The following MAX variants were observed in gnomAD, a reference collection of about 807,000 sequenced individuals.
The protein encoded by MAX is MYC associated transcriptional regulator X, also known as protein max.
In MAX, 3 loss-of-function variants were observed where a neutral mutation model predicts 22.3. The observed-to-expected ratio is 0.13, with a 90% CI of 0.06 to 0.35. MAX has a LOEUF of 0.35. Ranked by LOEUF, MAX falls within the 10% of genes least tolerant of loss-of-function variation. The probability of loss-of-function intolerance (pLI) is 1.00; values close to 1 mark genes in which losing one functional copy is unlikely to be tolerated. For synonymous variants in MAX, 72 were observed against 77.7 expected (o/e 0.93, Z 0.39); for missense variants, 119 against 209.4 (o/e 0.57, Z 2.66).
intron 3 of MAX, chr14:65,090,375 G>A (rs2063469319): frequency 6.6e-6 from 1 of 152,140 alleles, no homozygotes; most frequent in African/African-American, 2.4e-5. Context: ...TAACAACACT[G>A]ACAGGAGCAA....
In MAX at chr14:65,031,979, CGTGTGTGTGT is replaced by C. The variant is rs563468928; in HGVS notation, c.172-25705_172-25696del. On this transcript the variant is annotated intron_variant, in intron 3 of 3. Transcript: ENST00000341653. The surrounding 1 kb of genome is among the most constrained non-coding windows in gnomAD (Gnocchi z 4.6). ...ATAGACGTGCGCCTTTTTCATTTAA[CGTGTGTGTGT>C]GTGTGTGTGTGTGTGTGTGTGTGTG... 2.4e-4 allele frequency among the ~76,000 whole-genome samples: 34 copies of C among 141,194 alleles called. No homozygotes were observed. The highest frequency in any genetic ancestry group is 5.6e-4 in the Admixed American group (8 of 14,162). The allele number at this position is 141,194 out of a possible 152,430, so 92.6% of individuals were successfully genotyped here. A position where few individuals can be genotyped will look rare whatever the true frequency, so the allele number is the denominator to read the frequency against.
intron 3 of MAX, among the ~76,000 whole-genome samples, chr14:65,008,506 A>G (rs182078809): frequency 6.6e-6 from 1 of 152,360 alleles, no homozygotes; most frequent in African/African-American, 2.4e-5. Flanking sequence ...ATATACAGTT[A>G]CCGATGGGAT....
intron 3 of MAX, among the ~76,000 whole-genome samples, chr14:65,019,285 G>A (rs545457217): frequency 2.6e-5 from 4 of 152,266 alleles, no homozygotes; most frequent in Admixed American, 1.3e-4. Flanking sequence ...TCAGGAGTTC[G>A]AGACCAGTCT....
intron 3 of MAX, chr14:65,061,039 C>T (rs754991851): frequency 8.7e-5 from 119 of 1,365,898 alleles, no homozygotes; most frequent in Non-Finnish European, 1.1e-4. Flanking sequence ...AGCAAATACA[C>T]CATTTTTGAA....
chr14:65,017,215 A>T (rs904800323), intron 3 of MAX, among the ~76,000 whole-genome samples: 4 of 152,040 alleles, frequency 2.6e-5, no homozygotes, highest in Non-Finnish European at 5.9e-5. Context: ...GAGCCACCAC[A>T]TCCAGCCTCG....
chr14:65,019,933 C>T (rs1399253814), intron 3 of MAX, among the ~76,000 whole-genome samples: 1 of 152,132 alleles, frequency 6.6e-6, no homozygotes, highest in Non-Finnish European at 1.5e-5. Context: ...TTATCTTGCA[C>T]AGGGAAATGA....
At chr14:65,046,655 C>T (rs2062487584) in intron 3 of MAX, among the ~76,000 whole-genome samples, 1 of 152,026 alleles carries the variant, frequency 6.6e-6, no homozygotes, top group African/African-American at 2.4e-5. Flanking sequence ...AGACAGGAGT[C>T]TGTAAAGAAG....
At chr14:65,016,074 G>T (rs1276566407) in intron 3 of MAX, among the ~76,000 whole-genome samples, 1 of 152,164 alleles carries the variant, frequency 6.6e-6, no homozygotes, top group Non-Finnish European at 1.5e-5. Context: ...GGGGAAGCAC[G>T]TGCCAGTCCA....
chr14:65,052,517 G>A (rs77432031), intron 3 of MAX, among the ~76,000 whole-genome samples: 2,337 of 152,236 alleles, frequency 0.015, 34 homozygotes, highest in African/African-American at 0.035. Flanking sequence ...ACACCTGTCC[G>A]TGATTTGTCC....
chr14:65,068,414 G>A (rs775063918), intron 3 of MAX, among the ~76,000 whole-genome samples: 3 of 152,156 alleles, frequency 2.0e-5, no homozygotes, highest in Non-Finnish European at 4.4e-5. Context: ...CAACCTGGGC[G>A]ACAGCGTGAG....
At chr14:65,049,109 A>AGG (rs1002434982) in intron 3 of MAX, among the ~76,000 whole-genome samples, 1 of 147,130 alleles carries the variant, frequency 6.8e-6, no homozygotes, top group African/African-American at 2.6e-5. Flanking sequence ...CCTGGGTAAC[A>AGG]GGGCAGGACT....
chr14:65,040,997 G>C, intron 3 of MAX: 1 of 1,566,340 alleles, frequency 6.4e-7, no homozygotes, highest in South Asian at 1.2e-5. Context: ...GCAGGCTTCA[G>C]GAGAGTTTGG....
At chr14:65,081,417 T>A (rs542910196) in intron 3 of MAX, among the ~76,000 whole-genome samples, 99 of 152,300 alleles carry the variant, frequency 6.5e-4, no homozygotes, top group African/African-American at 2.3e-3. Context: ...TTCCACTCCA[T>A]ACAAGATCAT....
At chr14:65,042,205 G>A (rs544078259) in intron 3 of MAX, among the ~76,000 whole-genome samples, 1 of 152,116 alleles carries the variant, frequency 6.6e-6, no homozygotes, top group South Asian at 2.1e-4. Flanking sequence ...GGGACGGGGG[G>A]TGATGGCTTC....
In MAX at chr14:65,102,134, G is replaced by A. The variant is rs540928247; in HGVS notation, c.36+170C>T. On this transcript the variant is annotated intron_variant, in intron 1 of 4. Transcript: ENST00000358664. ...CAGTCCCAGGAGGCCGCTCCGGCCA[G>A]GAGCCGGAGGGGAGCGAACCGGGAA... Among the ~76,000 whole-genome samples the A allele has an allele frequency of 5.3e-5, 8 of 152,296 alleles. No homozygotes were observed. The South Asian group carries it at 1.7e-3, about 32-fold the overall frequency.
At chr14:65,061,381 A>G (rs2062863069) in intron 3 of MAX, 2 of 1,601,744 alleles carry the variant, frequency 1.2e-6, no homozygotes, top group African/African-American at 2.7e-5. Flanking sequence ...ACGTTTCAAT[A>G]CATACTGCAT....
chr14:65,012,415 G>A lies in MAX; in HGVS notation c.172-6131C>T. On this transcript the variant is annotated intron_variant, in intron 3 of 3. Transcript: ENST00000341653. This position sits in a 1 kb window ranked among gnomAD's most constrained non-coding sequence, Gnocchi z 5.0. ...GTAAACACATTACCCAGGAACTCTTGCTGTCAAATTATCCACCAAATCCTC... is the reference window on the plus strand; with the variant it reads ...GTAAACACATTACCCAGGAACTCTTACTGTCAAATTATCCACCAAATCCTC... The A allele has an allele frequency of 6.2e-7, 1 of 1,613,716 alleles. No individual in the cohort carries two copies.
rs562655410 is a variant in MAX, at chr14:65,101,370, A to G, written c.63+176T>C. Among the ~76,000 whole-genome samples, 12 of 152,318 alleles carry G rather than the reference A, an allele frequency of 7.9e-5. No homozygotes were observed. The East Asian group carries it at 2.3e-3, about 29-fold the overall frequency. ...TGAACTTATCACCTGAGAATCTAGA[A>G]TAATGGGATTTGCAACCCCCCCACC... On this transcript the variant is annotated intron_variant, in intron 2 of 4. Transcript: ENST00000358664.
chr14:65,080,443 C>T (rs2063172736), intron 3 of MAX, among the ~76,000 whole-genome samples: 1 of 152,126 alleles, frequency 6.6e-6, no homozygotes, highest in Admixed American at 6.5e-5. Context: ...AATTAAAATA[C>T]CTTCCTCTCT....
Sources: gnomAD v4.1 joint callset for allele counts (sites outside exome capture counted in the v4.1 genomes callset) on GRCh38, gnomAD v4.1.1 for gene constraint, Gnocchi (gnomAD v3.1) non-coding constraint, MANE v1.5 for transcripts, NCBI Gene and HGNC (gene_info 2026-07-23, HGNC 2026-07-21) for gene names.